Variants in IFT140 observed in about 807,000 individuals in gnomAD.
IFT140 encodes the protein intraflagellar transport protein 140 homolog.
A neutral mutation model predicts 164.6 loss-of-function variants in IFT140; 133 were observed. That is an observed-to-expected ratio of 0.81 (90% CI 0.70 to 0.93). IFT140 has a LOEUF of 0.93. Ranked by LOEUF, IFT140 falls within the 40% of genes least tolerant of loss-of-function variation. The probability of loss-of-function intolerance (pLI) is 0.00; values close to 1 mark genes in which losing one functional copy is unlikely to be tolerated. For synonymous variants in IFT140, 860 were observed against 817.3 expected (o/e 1.05, Z -0.89); for missense variants, 2,045 against 1,972.3 (o/e 1.04, Z -0.70).
At chr16:1,558,417 G>C (rs577727358) in intron 18 of IFT140, among the ~76,000 whole-genome samples, 2 of 152,224 alleles carry the variant, frequency 1.3e-5, no homozygotes, top group East Asian at 3.9e-4. Context: ...ACAGGAGCAT[G>C]ATTTCAGGTA....
At position 1,511,052 on chromosome 16, in the gene IFT140, C is replaced by T. The variant is rs766192195; in HGVS notation, c.4281G>A (p.Leu1427=). The change falls in exon 31 of 31, where the codon CTG becomes CTA. Residue 1427 remains leucine, a synonymous_variant. Coordinates refer to ENST00000426508, the MANE Select transcript of IFT140 (RefSeq NM_014714.4). ...GGACGGTGCGTGGCAGTGGGAGACCCAGCCCCCGGTGCACGGCGTCCACGG... is the reference window on the plus strand; with the variant it reads ...GGACGGTGCGTGGCAGTGGGAGACCTAGCCCCCGGTGCACGGCGTCCACGG... The part of the protein sequence containing the change: ...PQAVDAVHRG[L]GLPLPRTVPE... 6.2e-7 allele frequency: 1 copy of T among 1,606,988 alleles called. No homozygotes were observed. Among genetic ancestry groups the T allele is most frequent in the East Asian group, 2.2e-5 (1 of 44,736 alleles).
At chr16:1,520,851 G>A (rs759004923) in intron 26 of IFT140, 43 bp from the exon 27 acceptor site, 1 of 1,562,192 alleles carries the variant, frequency 6.4e-7, no homozygotes, top group Non-Finnish European at 8.7e-7. Context: ...GAGGGGGCCG[G>A]GAACTGAAGT....
At chr16:1,520,836 C>G in intron 26 of IFT140, 28 bp from the exon 27 acceptor site, 1 of 1,587,740 alleles carries the variant, frequency 6.3e-7, no homozygotes, top group South Asian at 1.1e-5. Context: ...TGGGACGGGG[C>G]TGCCGAGGGG....
intron 19 of IFT140, among the ~76,000 whole-genome samples, chr16:1,546,055 CTT>C (rs1422312320): frequency 1.3e-5 from 2 of 152,228 alleles, no homozygotes; most frequent in Non-Finnish European, 2.9e-5. Context: ...CTCGTGGCCT[CTT>C]TTCTCTGCAC....
In IFT140 at chr16:1,510,601, C is replaced by T. The variant is rs993654959; in HGVS notation, c.*343G>A. 2.6e-6 allele frequency: 1 copy of T among 386,536 alleles called. No homozygotes were observed. The highest frequency in any genetic ancestry group is 4.7e-6 in the Non-Finnish European group (1 of 212,046). 23.9% of individuals were successfully genotyped at this position (386,536 alleles called of 1,614,324 possible). A position where few individuals can be genotyped will look rare whatever the true frequency, so the allele number is the denominator to read the frequency against. ...TGTGGGGAGCAGGGGGGCAGGTGCC[C>T]CAGCCCTCCAGCTGCAGCTTCCTGA... On this transcript the variant is annotated 3_prime_UTR_variant, in exon 31 of 31. Coordinates refer to ENST00000426508, the MANE Select transcript of IFT140 (RefSeq NM_014714.4).
At chr16:1,604,797 C>A (rs1192180629) in intron 3 of IFT140, among the ~76,000 whole-genome samples, 1 of 151,958 alleles carries the variant, frequency 6.6e-6, no homozygotes, top group Non-Finnish European at 1.5e-5. Context: ...CTGGGAGGAT[C>A]TAGTGATGGA....
intron 19 of IFT140, among the ~76,000 whole-genome samples, chr16:1,548,762 C>T (rs900603466): frequency 3.3e-5 from 5 of 152,342 alleles, no homozygotes; most frequent in South Asian, 2.1e-4. Flanking sequence ...GGCTTCAGAA[C>T]GGCATCCACA....
chr16:1,567,758 C>A (rs1425031178), intron 15 of IFT140, among the ~76,000 whole-genome samples: 1 of 152,210 alleles, frequency 6.6e-6, no homozygotes, highest in African/African-American at 2.4e-5. Context: ...GCCCTGCCAC[C>A]CCTGCCAGAC....
chr16:1,600,377 T>C (rs975374288), intron 4 of IFT140, among the ~76,000 whole-genome samples: 8 of 144,532 alleles, frequency 5.5e-5, no homozygotes, highest in African/African-American at 1.8e-4. Context: ...GTTTATCTGC[T>C]GACCTTCCCT....
intron 10 of IFT140, among the ~76,000 whole-genome samples, chr16:1,585,139 T>C (rs1207211751): frequency 6.6e-6 from 1 of 152,226 alleles, no homozygotes; most frequent in Non-Finnish European, 1.5e-5. Context: ...CAAAAACGTG[T>C]ACACAAGTGT....
At chr16:1,595,458 A>C (rs978988899) in intron 4 of IFT140, among the ~76,000 whole-genome samples, 1 of 151,546 alleles carries the variant, frequency 6.6e-6, no homozygotes, top group Non-Finnish European at 1.5e-5. Context: ...CCTACTAAAA[A>C]TACAAAATTA....
intron 29 of IFT140, 41 bp downstream of exon 29, chr16:1,519,840 A>G: frequency 6.7e-7 from 1 of 1,500,658 alleles, no homozygotes. Flanking sequence ...CCCTGTAGTC[A>G]CATCTGCCCT....
At chr16:1,554,889 G>A in intron 19 of IFT140, 1 of 1,614,248 alleles carries the variant, frequency 6.2e-7, no homozygotes, top group Non-Finnish European at 8.5e-7. Context: ...GGCCACGCTG[G>A]CGGCAGCCAT....
rs781213790 is a variant in IFT140, at chr16:1,566,237, C to T, written c.1825G>A (p.Val609Met). ...CCAGTCTTGAAGTCAAAGACGGTCA[C>T]TGTGTCCATTTCAACATCGTAGAAG... Reference protein sequence around the residue: ...ICFYDVEMDTVTVFDFKTGQI... With the variant: ...ICFYDVEMDTMTVFDFKTGQI... The change falls in exon 16 of 31, where the codon GTG becomes ATG. Residue 609 changes from valine (V) to methionine (M), a missense_variant. By Grantham distance (21) the Val-to-Met change is conservative. Transcript: ENST00000426508. 1.9e-6 allele frequency: 3 copies of T among 1,613,798 alleles called. No individual in the cohort carries two copies. The highest frequency in any genetic ancestry group is 2.7e-5 in the African/African-American group (2 of 74,930).
intron 6 of IFT140, among the ~76,000 whole-genome samples, chr16:1,590,180 G>A (rs1179001366): frequency 6.3e-5 from 8 of 127,412 alleles, no homozygotes; most frequent in East Asian, 4.6e-4. Context: ...CAGCCTAGGC[G>A]ACAGAGCAAG....
intron 8 of IFT140, among the ~76,000 whole-genome samples, 191 bp from the exon 9 acceptor site, chr16:1,587,495 G>A (rs969452541): frequency 2.0e-5 from 3 of 152,210 alleles, no homozygotes; most frequent in East Asian, 1.9e-4. Context: ...AAAGAAAGCC[G>A]TTGCCGATAG....
chr16:1,511,621 A>ATAAT (rs1741552270), intron 30 of IFT140, among the ~76,000 whole-genome samples: 1 of 151,742 alleles, frequency 6.6e-6, no homozygotes, highest in Admixed American at 6.6e-5. Flanking sequence ...CTATGAAGAT[A>ATAAT]TAATAAGCTT....
In IFT140 at chr16:1,551,668, G is replaced by C. The variant is rs2032647055; in HGVS notation, c.2399+6267C>G. Reference sequence around the variant, plus strand: ...TCCTCACTGTCGAACCCAACTTCAGGACATGCTTGTTCACGGAAGAGCCTA... The same window carrying C: ...TCCTCACTGTCGAACCCAACTTCAGCACATGCTTGTTCACGGAAGAGCCTA... On this transcript the variant is annotated intron_variant, in intron 19 of 30. Transcript: ENST00000426508. The surrounding 1 kb of genome is among the most constrained non-coding windows in gnomAD (Gnocchi z 4.0). Among the ~76,000 whole-genome samples, 1 of 152,198 alleles carries C rather than the reference G, an allele frequency of 6.6e-6. No individual in the cohort carries two copies.
intron 19 of IFT140, among the ~76,000 whole-genome samples, chr16:1,530,287 C>G (rs889560625): frequency 1.3e-5 from 2 of 151,894 alleles, no homozygotes; most frequent in African/African-American, 2.4e-5. Flanking sequence ...CATGCGCCAC[C>G]ACACCCAGCT....
Sources: allele counts gnomAD v4.1 joint callset (sites outside exome capture counted in the v4.1 genomes callset), GRCh38; gene constraint gnomAD v4.1.1; non-coding constraint Gnocchi (gnomAD v3.1); transcripts MANE v1.5; gene names NCBI Gene and HGNC (gene_info 2026-07-23, HGNC 2026-07-21).